GALNT9: variants seen among roughly 807,000 people sequenced by gnomAD.
GALNT9 encodes polypeptide N-acetylgalactosaminyltransferase 9.
Under a neutral mutation model 63.1 loss-of-function variants are expected in GALNT9, and 47 were observed. That is an observed-to-expected ratio of 0.75 (90% CI 0.59 to 0.95). GALNT9 has a LOEUF of 0.95. GALNT9 is among the 40% of genes least tolerant of loss of function. The pLI is 0.00. For missense variants in GALNT9, 829 were observed against 874.8 expected (o/e 0.95, Z 0.66); for synonymous variants, 396 against 365.7 (o/e 1.08, Z -0.94).
Position 132,319,584 on chromosome 12 carries a change from G to A in GALNT9, c.238+9382C>T, listed in dbSNP as rs1004353412. ...ATCCTCACCCTACATCTCCTCTTGG[G>A]TCTCTCTCTATCCGCCGGCTCCTTT... is the stretch of plus-strand genomic sequence containing the variant. On this transcript the variant is annotated intron_variant, in intron 1 of 10. Transcript: ENST00000328957. The surrounding 1 kb of genome is among the most constrained non-coding windows in gnomAD (Gnocchi z 5.2). Among the ~76,000 whole-genome samples, 6 of 152,120 alleles carry A rather than the reference G, an allele frequency of 3.9e-5. No individual in the cohort carries two copies. The highest frequency in any genetic ancestry group is 1.4e-4 in the African/African-American group (6 of 41,438).
In GALNT9 at chr12:132,289,484, G is replaced by A. The variant is rs781848965; in HGVS notation, c.239-3054C>T. On this transcript the variant is annotated intron_variant, in intron 1 of 10. Coordinates refer to ENST00000328957, the MANE Select transcript of GALNT9 (RefSeq NM_001122636.2). ...TGTCCACACCCTAATCCCTGGAACC[G>A]GTGAGTGTCACGTTACACAGCTAAG... Among the ~76,000 whole-genome samples, 115 of 152,332 alleles carry A rather than the reference G, an allele frequency of 7.5e-4. 1 individual carries two copies. The highest frequency in any genetic ancestry group is 3.9e-4 in the East Asian group (2 of 5,190).
chr12:132,302,163 C>G (rs753445548), intron 1 of GALNT9, among the ~76,000 whole-genome samples: 1 of 151,654 alleles, frequency 6.6e-6, no homozygotes, highest in African/African-American at 2.4e-5. Context: ...TATGCTTCCA[C>G]TACTTTAATT....
chr12:132,240,712 T>G (rs969072843), intron 6 of GALNT9: 2 of 455,976 alleles, frequency 4.4e-6, no homozygotes, highest in South Asian at 1.5e-5. Context: ...CTTATCTTGC[T>G]GGAACCCTTC....
chr12:132,323,028 C>T (rs1399221366), intron 1 of GALNT9, among the ~76,000 whole-genome samples: 1 of 152,240 alleles, frequency 6.6e-6, no homozygotes, highest in Non-Finnish European at 1.5e-5. Flanking sequence ...GGCTTCTCCA[C>T]CTCCTTGTCC....
At chr12:132,281,911 C>A (rs1555241706) in intron 2 of GALNT9, among the ~76,000 whole-genome samples, 1 of 147,652 alleles carries the variant, frequency 6.8e-6, no homozygotes, top group African/African-American at 2.5e-5. Context: ...GCCTGGGGGT[C>A]CCCGATCCCA....
Position 132,252,045 on chromosome 12 carries a change from T to G in GALNT9, c.960-4018A>C, listed in dbSNP as rs1339870172. 6.6e-6 allele frequency among the ~76,000 whole-genome samples: 1 copy of G among 152,276 alleles called. No homozygotes were observed. Among genetic ancestry groups the G allele is most frequent in the East Asian group, 1.9e-4 (1 of 5,180 alleles). ...ATCTTAACTGGGATCCCAGGAATCC[T>G]CCGTGATGAGGATGGTCCCCAGCGT... On this transcript the variant is annotated intron_variant, in intron 5 of 10. Coordinates refer to ENST00000328957, the MANE Select transcript of GALNT9 (RefSeq NM_001122636.2). This position sits in a 1 kb window ranked among gnomAD's most constrained non-coding sequence, Gnocchi z 5.2.
In GALNT9 at chr12:132,210,767, G is replaced by C. The variant is rs1334214911; in HGVS notation, c.1078-7077C>G. Among the ~76,000 whole-genome samples the C allele has an allele frequency of 4.6e-5, 7 of 152,100 alleles. 2 individuals carry two copies. In the South Asian group the frequency reaches 8.3e-4, roughly 18 times the overall value. ...CAAAAGCCAAACTTGCACCAAAAAA[G>C]GGCTTGGTCGCCATCTGGAGGTCGC... is the stretch of plus-strand genomic sequence containing the variant. On this transcript the variant is annotated intron_variant, in intron 6 of 10. Coordinates refer to ENST00000328957, the MANE Select transcript of GALNT9 (RefSeq NM_001122636.2).
intron 6 of GALNT9, among the ~76,000 whole-genome samples, chr12:132,217,161 ACTAT>A (rs1193553674): frequency 6.6e-6 from 1 of 152,042 alleles, no homozygotes; most frequent in African/African-American, 2.4e-5. Flanking sequence ...CCACCTAGCC[ACTAT>A]CTATCCACCC....
chr12:132,317,086 TCCTACACCCCACAGAGCACAGCCTGCAC>T (rs1555245742), intron 1 of GALNT9, among the ~76,000 whole-genome samples: 3 of 144,946 alleles, frequency 2.1e-5, no homozygotes, highest in South Asian at 2.2e-4. Context: ...CACGGTCCCA[TCCTACACCCCACAGAGCACAGCCTGCAC>T]CCTACACCCC....
rs76317906 is a variant in GALNT9 at position 132,292,873 on chromosome 12, C to T, written c.239-6443G>A. Among the ~76,000 whole-genome samples the T allele has an allele frequency of 8.4e-3, 1,279 of 152,290 alleles. 18 individuals carry two copies. The highest frequency in any genetic ancestry group is 0.03 in the African/African-American group (1,228 of 41,564). ...ACACTCATGAGAGCTGTGCGGAGGA[C>T]GCCGCCTCGCATGTGCAGGGCTTTC... On this transcript the variant is annotated intron_variant, in intron 1 of 10. Coordinates refer to ENST00000328957, the MANE Select transcript of GALNT9 (RefSeq NM_001122636.2).
At chr12:132,243,579 G>C (rs2136905730) in intron 6 of GALNT9, among the ~76,000 whole-genome samples, 1 of 152,266 alleles carries the variant, frequency 6.6e-6, no homozygotes, top group Middle Eastern at 3.4e-3. Flanking sequence ...CTGGCTCCCA[G>C]GAGACCCCAG....
At chr12:132,304,675 G>A (rs868957299) in intron 1 of GALNT9, among the ~76,000 whole-genome samples, 21 of 12,224 alleles carry the variant, frequency 1.7e-3, no homozygotes, top group Non-Finnish European at 1.8e-3. Flanking sequence ...GCACAGCCTC[G>A]CCCGGGCACA....
chr12:132,204,482 G>T (rs1876495995), intron 6 of GALNT9, among the ~76,000 whole-genome samples: 1 of 152,110 alleles, frequency 6.6e-6, no homozygotes, highest in African/African-American at 2.4e-5. Flanking sequence ...GGACAGAAAG[G>T]CCGAGGCAGG....
intron 2 of GALNT9, among the ~76,000 whole-genome samples, chr12:132,267,770 CT>C (rs1879668167): frequency 7.1e-6 from 1 of 140,484 alleles, no homozygotes; most frequent in African/African-American, 3.0e-5. Flanking sequence ...CACACATGCA[CT>C]CACACACACG....
In GALNT9 at chr12:132,298,552, C is replaced by T. The variant is rs1378463569; in HGVS notation, c.239-12122G>A. On this transcript the variant is annotated intron_variant, in intron 1 of 10. Coordinates refer to ENST00000328957, the MANE Select transcript of GALNT9 (RefSeq NM_001122636.2). The stretch of plus-strand genomic sequence containing the variant: ...CACACCTAACTCATCCCTGAGATAA[C>T]CAAGCCACTGCTGAGATAACCCACT... Among the ~76,000 whole-genome samples, 5 of 149,650 alleles carry T rather than the reference C, an allele frequency of 3.3e-5. No individual in the cohort carries two copies. In the East Asian group the frequency reaches 9.9e-4, roughly 30 times the overall value.
At chr12:132,320,252 G>A (rs1208653242) in intron 1 of GALNT9, among the ~76,000 whole-genome samples, 2 of 152,196 alleles carry the variant, frequency 1.3e-5, no homozygotes, top group Non-Finnish European at 2.9e-5. Flanking sequence ...GAGAGGCACA[G>A]AACGCCCGGG....
chr12:132,307,806 C>T (rs2135581248), intron 1 of GALNT9, among the ~76,000 whole-genome samples: 1 of 152,230 alleles, frequency 6.6e-6, no homozygotes, highest in Non-Finnish European at 1.5e-5. Context: ...TGCACTCCAG[C>T]CTGGGCGACA....
intron 1 of GALNT9, among the ~76,000 whole-genome samples, chr12:132,292,893 G>A (rs1225373589): frequency 6.6e-6 from 1 of 151,932 alleles, no homozygotes; most frequent in Non-Finnish European, 1.5e-5. Flanking sequence ...CATGTGCAGG[G>A]CTTTCACGGA....
chr12:132,225,745 ACCC>A (rs1241585788), intron 6 of GALNT9, among the ~76,000 whole-genome samples: 2 of 131,670 alleles, frequency 1.5e-5, no homozygotes, highest in African/African-American at 3.0e-5. Context: ...GTACATACAC[ACCC>A]CCCACAACCC....
Sources: allele counts gnomAD v4.1 joint callset (sites outside exome capture counted in the v4.1 genomes callset), GRCh38; gene constraint gnomAD v4.1.1; non-coding constraint Gnocchi (gnomAD v3.1); transcripts MANE v1.5; gene names NCBI Gene and HGNC (gene_info 2026-07-23, HGNC 2026-07-21).